Variants in ANKS1A observed in about 807,000 individuals in gnomAD.
ANKS1A encodes ankyrin repeat and SAM domain-containing protein 1A.
A neutral mutation model predicts 120.3 loss-of-function variants in ANKS1A; 55 were observed. That is an observed-to-expected ratio of 0.46 (90% CI 0.37 to 0.57). The LOEUF is 0.57. ANKS1A is among the 20% of genes least tolerant of loss of function. The probability of loss-of-function intolerance (pLI) is 0.00; values close to 1 mark genes in which losing one functional copy is unlikely to be tolerated. For synonymous variants in ANKS1A, 590 were observed against 604.7 expected, an observed-to-expected ratio of 0.98 and a Z score of 0.36; for missense variants, 1,123 against 1,480.3, an observed-to-expected ratio of 0.76 and a Z score of 3.96.
At chr6:34,895,954 C>T (rs1460096940) in intron 1 of ANKS1A, among the ~76,000 whole-genome samples, 4 of 151,156 alleles carry the variant, frequency 2.6e-5, no homozygotes, top group Admixed American at 6.6e-5. Flanking sequence ...TTAGTAGGGA[C>T]GGGATTTCAC....
chr6:35,091,197 G>T lies in ANKS1A; in HGVS notation c.*2588G>T. On this transcript the variant is annotated 3_prime_UTR_variant, in exon 24 of 24. Coordinates refer to ENST00000360359, the MANE Select transcript of ANKS1A (RefSeq NM_015245.3). Reference sequence around the variant, plus strand: ...GAATGACTTTCCCTTTTGTTTTACTGTATATAAAATTGTTAATCTGTCTGA... The same window carrying T: ...GAATGACTTTCCCTTTTGTTTTACTTTATATAAAATTGTTAATCTGTCTGA... 1.0e-6 allele frequency: 1 copy of T among 985,830 alleles called. No individual in the cohort carries two copies. Among genetic ancestry groups the T allele is most frequent in the African/African-American group, 1.7e-5 (1 of 57,354 alleles). 61.1% of individuals were successfully genotyped at this position (985,830 alleles called of 1,614,324 possible).
chr6:35,039,513 A>G, intron 11 of ANKS1A: 1 of 453,128 alleles, frequency 2.2e-6, no homozygotes, highest in Non-Finnish European at 4.4e-6. Flanking sequence ...GTTAATTTTT[A>G]AAGTCATTTG....
chr6:34,977,630 A>G (rs1033240557), intron 3 of ANKS1A, among the ~76,000 whole-genome samples: 6 of 152,098 alleles, frequency 3.9e-5, no homozygotes, highest in South Asian at 2.1e-4. Context: ...ATTGGCATCT[A>G]TCTTCCTAAA....
intron 1 of ANKS1A, among the ~76,000 whole-genome samples, chr6:34,922,489 C>T (rs1378617969): frequency 6.6e-6 from 1 of 152,122 alleles, no homozygotes; most frequent in Admixed American, 6.5e-5. Flanking sequence ...AATGAGCACA[C>T]CTGGCTTTGC....
At chr6:34,915,045 T>G (rs1768089230) in intron 1 of ANKS1A, among the ~76,000 whole-genome samples, 1 of 152,248 alleles carries the variant, frequency 6.6e-6, no homozygotes, top group South Asian at 2.1e-4. Flanking sequence ...GGGTTATATT[T>G]TATTCTAAAA....
chr6:35,027,978 G>A (rs1581668255), intron 11 of ANKS1A, among the ~76,000 whole-genome samples: 1 of 26,046 alleles, frequency 3.8e-5, no homozygotes, highest in African/African-American at 5.1e-5. Flanking sequence ...ACTCAAGGCA[G>A]CCTGTTTTAT....
At position 35,074,932 on chromosome 6, in the gene ANKS1A, T is replaced by C. The variant is rs537405241; in HGVS notation, c.2185-3626T>C. Among the ~76,000 whole-genome samples, 20 of 152,368 alleles carry C rather than the reference T, an allele frequency of 1.3e-4. 1 individual carries two copies. The South Asian group carries it at 3.7e-3, about 28-fold the overall frequency. ...GGGGCGGGGGCCAAGCAAGTCATGG[T>C]CTGCATGAGCTGGCCCAAGTCACTT... On this transcript the variant is annotated intron_variant, in intron 13 of 23. Transcript: ENST00000360359.
intron 14 of ANKS1A, among the ~76,000 whole-genome samples, chr6:35,079,171 C>T (rs1008068017): frequency 5.9e-5 from 9 of 152,210 alleles, no homozygotes; most frequent in Non-Finnish European, 1.3e-4. Flanking sequence ...GGGAAGCGCC[C>T]GCTCTGAGGG....
chr6:35,054,254 A>G (rs1179289476), intron 12 of ANKS1A, 89 bp downstream of exon 12: 5 of 1,279,930 alleles, frequency 3.9e-6, no homozygotes, highest in Middle Eastern at 1.9e-4. Context: ...GAAGACAGAC[A>G]TTCAGTGGGT....
intron 10 of ANKS1A, among the ~76,000 whole-genome samples, chr6:35,008,754 A>T (rs928794109): frequency 6.6e-6 from 1 of 152,244 alleles, no homozygotes; most frequent in South Asian, 2.1e-4. Context: ...AGATGACAGA[A>T]TATGTTAAAT....
At chr6:35,093,519 A>C (rs1178014446), downstream of ANKS1A, among the ~76,000 whole-genome samples, 2 of 152,314 alleles carry the variant, frequency 1.3e-5, no homozygotes, top group African/African-American at 4.8e-5. Flanking sequence ...TAAAAACTAA[A>C]CATTTCTGCA....
At chr6:35,031,024 C>T (rs140322065) in intron 11 of ANKS1A, among the ~76,000 whole-genome samples, 3 of 152,280 alleles carry the variant, frequency 2.0e-5, no homozygotes, top group East Asian at 1.9e-4. Context: ...GGGTTTGATG[C>T]GCATCTTAGT....
chr6:35,022,638 T>G (rs1221593332), intron 11 of ANKS1A, among the ~76,000 whole-genome samples: 1 of 152,200 alleles, frequency 6.6e-6, no homozygotes, highest in African/African-American at 2.4e-5. Context: ...AAGCACTCTT[T>G]GTTGTCTTAA....
chr6:34,981,515 T>G (rs1049825752), intron 3 of ANKS1A, among the ~76,000 whole-genome samples, 175 bp from the exon 4 acceptor site: 1 of 152,196 alleles, frequency 6.6e-6, no homozygotes, highest in African/African-American at 2.4e-5. Flanking sequence ...TGTCGCTGAT[T>G]AGACCAGTCA....
At chr6:34,931,168 A>G (rs1768963582) in intron 1 of ANKS1A, among the ~76,000 whole-genome samples, 1 of 142,196 alleles carries the variant, frequency 7.0e-6, no homozygotes, top group Non-Finnish European at 1.5e-5. Flanking sequence ...TTTTTTTGAG[A>G]AAGTGTTTCA....
In ANKS1A at chr6:34,985,231, A is replaced by G; in HGVS notation, c.1162A>G (p.Asn388Asp). 1.2e-6 allele frequency: 2 copies of G among 1,614,172 alleles called. No homozygotes were observed. Among genetic ancestry groups the G allele is most frequent in the South Asian group, 2.2e-5 (2 of 91,086 alleles). ...GCGATCATCTGACCAAGACTCCACG[A>G]ACAAGGAGGCTGAGGCAGCAGGAGT... is the stretch of plus-strand genomic sequence containing the variant. ...SGRSSDQDST[N>D]KEAEAAGVKP... is the part of the protein sequence containing the mutation. The change falls in exon 8 of 24, where the codon AAC becomes GAC. Residue 388 changes from asparagine (N) to aspartate (D), a missense_variant. Asn to Asp is a conservative substitution (Grantham distance 23). Coordinates refer to ENST00000360359, the MANE Select transcript of ANKS1A (RefSeq NM_015245.3).
intron 1 of ANKS1A, among the ~76,000 whole-genome samples, chr6:34,921,958 G>A (rs372364159): frequency 1.7e-4 from 26 of 151,858 alleles, no homozygotes; most frequent in African/African-American, 2.4e-4. Context: ...AGCCTCTCAA[G>A]GTACTGGGAC....
At chr6:35,029,581 C>G (rs1774797953) in intron 11 of ANKS1A, among the ~76,000 whole-genome samples, 3 of 151,530 alleles carry the variant, frequency 2.0e-5, no homozygotes, top group Admixed American at 2.0e-4. Context: ...AACTCCTGAC[C>G]TCAGGTGATC....
Position 34,970,878 on chromosome 6 carries a change from A to G in ANKS1A, c.435+712A>G, listed in dbSNP as rs199711952. 9.2e-5 allele frequency among the ~76,000 whole-genome samples: 14 copies of G among 152,070 alleles called. No homozygotes were observed. In the East Asian group the frequency reaches 2.7e-3, roughly 29 times the overall value. ...AAAAAAAAAGGCCGGATGTGGTGGC[A>G]CACACCTGTAGTCCCAGCTACTCAG... is the stretch of plus-strand genomic sequence containing the variant. On this transcript the variant is annotated intron_variant, in intron 3 of 23. Transcript: ENST00000360359.
Sources: gnomAD v4.1 joint callset for allele counts (sites outside exome capture counted in the v4.1 genomes callset) on GRCh38, gnomAD v4.1.1 for gene constraint, MANE v1.5 for transcripts, NCBI Gene and HGNC (gene_info 2026-07-23, HGNC 2026-07-21) for gene names.